Variants in IL31RA observed in about 807,000 individuals in gnomAD.
The protein encoded by IL31RA is interleukin-31 receptor subunit alpha.
In IL31RA, 66 loss-of-function variants were observed where a neutral mutation model predicts 83.7. The observed-to-expected ratio is 0.79, with a 90% CI of 0.65 to 0.97. The LOEUF is 0.97. IL31RA is among the 50% of genes least tolerant of loss of function. The probability of loss-of-function intolerance (pLI) is 0.00; values close to 1 mark genes in which losing one functional copy is unlikely to be tolerated. For synonymous variants in IL31RA, 325 were observed against 329.0 expected, an observed-to-expected ratio of 0.99 and a Z score of 0.13; for missense variants, 798 against 919.4, an observed-to-expected ratio of 0.87 and a Z score of 1.71.
intron 3 of IL31RA, among the ~76,000 whole-genome samples, chr5:55,869,635 G>A (rs925602912): frequency 7.2e-5 from 11 of 151,960 alleles, no homozygotes; most frequent in Non-Finnish European, 1.2e-4. Flanking sequence ...CACCATACCT[G>A]GCCAACTTTT....
Position 55,851,612 on chromosome 5 carries a change from CTG to C in IL31RA, c.45_46del (p.Cys15Ter). On this transcript the variant is annotated frameshift_variant, in exon 1 of 15. Coordinates refer to ENST00000652347, the MANE Select transcript of IL31RA (RefSeq NM_139017.7). LOFTEE classifies it high-confidence loss of function. Reference protein sequence around the residue: ...QLKFFTTACVCECPQNILSPQ... With the variant: ...QLKFFTTACVXECPQNILSPQ... Reference sequence around the variant, plus strand: ...TCAAGTTTTTCACCACGGCATGTGTCTGTGAATGTCCGCAAAACATTGTGAGT... The same window carrying C: ...TCAAGTTTTTCACCACGGCATGTGTCTGAATGTCCGCAAAACATTGTGAGT... 1 of 1,613,918 alleles carries C rather than the reference CTG, an allele frequency of 6.2e-7. No homozygotes were observed. Among genetic ancestry groups the C allele is most frequent in the South Asian group, 1.1e-5 (1 of 91,074 alleles).
intron 2 of IL31RA, among the ~76,000 whole-genome samples, chr5:55,864,895 C>T (rs1207666237): frequency 6.6e-6 from 1 of 152,008 alleles, no homozygotes; most frequent in Non-Finnish European, 1.5e-5. Flanking sequence ...ACACACCGCA[C>T]ACTACACACA....
chr5:55,846,706 A>T (rs1744934776), upstream of IL31RA, among the ~76,000 whole-genome samples: 1 of 152,108 alleles, frequency 6.6e-6, no homozygotes, highest in Non-Finnish European at 1.5e-5. Context: ...CTGAAACAGG[A>T]GACTCGCTTG....
At chr5:55,888,360 C>T (rs560120119) in intron 5 of IL31RA, among the ~76,000 whole-genome samples, 43 of 152,274 alleles carry the variant, frequency 2.8e-4, no homozygotes, top group African/African-American at 1.0e-3. Context: ...AAAGACTGAG[C>T]AGCCGTTTCA....
Position 55,882,719 on chromosome 5 carries a change from G to A in IL31RA, c.455-325G>A, listed in dbSNP as rs187360391. Among the ~76,000 whole-genome samples, 208 of 152,268 alleles carry A rather than the reference G, an allele frequency of 1.4e-3. 1 individual carries two copies. Among genetic ancestry groups the A allele is most frequent in the Middle Eastern group, 0.01 (3 of 294 alleles). ...AAGGAAGGAGAGGCCTAGGGGAGGTGAGAGTAAATAAGAGAGACAGCCTAT... is the reference window on the plus strand; with the variant it reads ...AAGGAAGGAGAGGCCTAGGGGAGGTAAGAGTAAATAAGAGAGACAGCCTAT... On this transcript the variant is annotated intron_variant, in intron 4 of 14. Transcript: ENST00000652347.
chr5:55,849,092 A>G (rs1293931655), upstream of IL31RA, among the ~76,000 whole-genome samples: 2 of 152,204 alleles, frequency 1.3e-5, no homozygotes, highest in Non-Finnish European at 2.9e-5. Context: ...AAAGTAATAC[A>G]TATACATAGT....
chr5:55,890,733 T>C (rs1194617736), intron 6 of IL31RA, among the ~76,000 whole-genome samples: 1 of 152,206 alleles, frequency 6.6e-6, no homozygotes, highest in East Asian at 1.9e-4. Flanking sequence ...ATCCTGGAGC[T>C]ACTACTCAAA....
At chr5:55,875,471 G>A (rs1446979319) in intron 4 of IL31RA, among the ~76,000 whole-genome samples, 1 of 152,104 alleles carries the variant, frequency 6.6e-6, no homozygotes, top group Non-Finnish European at 1.5e-5. Flanking sequence ...TTTCCTCAGT[G>A]AAGCCATCTG....
chr5:55,915,032 A>T (rs75141845), intron 14 of IL31RA, 104 bp downstream of exon 14: 10 of 877,360 alleles, frequency 1.1e-5, no homozygotes, highest in Non-Finnish European at 1.9e-5. Context: ...CAAGGTTCAC[A>T]TCAAGAGAAC....
chr5:55,917,186 G>T lies in IL31RA; in HGVS notation c.*66G>T. On this transcript the variant is annotated 3_prime_UTR_variant, in exon 15 of 15. Coordinates refer to ENST00000652347, the MANE Select transcript of IL31RA (RefSeq NM_139017.7). ...TGGCCCTTGCCAGAGAAGATGTCAA[G>T]ACTCGGCACGCAGCGCTTGCTTGGC... The T allele has an allele frequency of 3.7e-6, 6 of 1,610,332 alleles. No homozygotes were observed. In the South Asian group the frequency reaches 6.6e-5, roughly 18 times the overall value.
the IL31RA span, among the ~76,000 whole-genome samples, chr5:55,845,361 T>G: frequency 6.6e-6 from 1 of 152,098 alleles, no homozygotes; most frequent in African/African-American, 2.4e-5. Context: ...TACAGGTGGA[T>G]TTCACTTAGG....
chr5:55,867,183 G>GCA (rs1746162033), intron 2 of IL31RA, among the ~76,000 whole-genome samples: 1 of 34,464 alleles, frequency 2.9e-5, no homozygotes, highest in East Asian at 8.7e-4. Flanking sequence ...GTGTGTGCAT[G>GCA]TGTGTTTGTG....
At chr5:55,888,516 A>G (rs191981582) in intron 5 of IL31RA, among the ~76,000 whole-genome samples, 2 of 152,348 alleles carry the variant, frequency 1.3e-5, no homozygotes, top group East Asian at 3.8e-4. Flanking sequence ...TTGAAAGGTT[A>G]AAAAGAAGAA....
chr5:55,862,876 A>G (rs1292416291), intron 2 of IL31RA, among the ~76,000 whole-genome samples: 1 of 152,224 alleles, frequency 6.6e-6, no homozygotes, highest in African/African-American at 2.4e-5. Flanking sequence ...TTAGGGGGAA[A>G]AAGGCAACAG....
At chr5:55,899,134 A>G (rs78417799) in intron 7 of IL31RA, among the ~76,000 whole-genome samples, 350 of 152,324 alleles carry the variant, frequency 2.3e-3, no homozygotes, top group African/African-American at 8.2e-3. Flanking sequence ...ACATAAAAGT[A>G]AAGGAAATTC....
chr5:55,877,661 A>G (rs1221290366), intron 4 of IL31RA, among the ~76,000 whole-genome samples: 1 of 152,154 alleles, frequency 6.6e-6, no homozygotes, highest in Non-Finnish European at 1.5e-5. Context: ...CTTTAAATGT[A>G]TTATCCCACT....
Position 55,872,257 on chromosome 5 carries a change from T to G in IL31RA, c.273-13T>G. 6.2e-7 allele frequency: 1 copy of G among 1,601,864 alleles called. No homozygotes were observed. The highest frequency in any genetic ancestry group is 2.2e-5 in the East Asian group (1 of 44,758). On this transcript the variant is annotated splice_polypyrimidine_tract_variant and intron_variant, in intron 3 of 14. Transcript: ENST00000652347. ...TGTACTAAACTCATGTTGAATCACT[T>G]TTTCTTTCAAAGCGCTTTTGGAGAA...
In IL31RA at chr5:55,872,361, A is replaced by G. The variant is rs1746568504; in HGVS notation, c.364A>G (p.Ile122Val). The change falls in exon 4 of 15, where the codon ATC (isoleucine) becomes GTC (valine). Residue 122 changes from isoleucine (I) to valine (V), a missense_variant. Physicochemically the swap from Ile to Val is conservative, Grantham distance 29. Transcript: ENST00000652347. ...CTCTTTTTTCCTTCCAAGAATAACGATCCCAGATAATTATACCATTGAGGT... is the reference window on the plus strand; with the variant it reads ...CTCTTTTTTCCTTCCAAGAATAACGGTCCCAGATAATTATACCATTGAGGT... ...SCSFFLPRIT[I>V]PDNYTIEVEA... 1.2e-6 allele frequency: 2 copies of G among 1,611,610 alleles called. No homozygotes were observed. Among genetic ancestry groups the G allele is most frequent in the Non-Finnish European group, 8.5e-7 (1 of 1,177,924 alleles).
chr5:55,898,331 C>T (rs915161720), intron 7 of IL31RA, among the ~76,000 whole-genome samples: 6 of 138,944 alleles, frequency 4.3e-5, no homozygotes, highest in Non-Finnish European at 9.4e-5. Flanking sequence ...CCCCCCGCCC[C>T]CCCGCACCTT....
Sources: gnomAD v4.1 joint callset for allele counts (sites outside exome capture counted in the v4.1 genomes callset) on GRCh38, gnomAD v4.1.1 for gene constraint, MANE v1.5 for transcripts, NCBI Gene and HGNC (gene_info 2026-07-23, HGNC 2026-07-21) for gene names.